Variants in RPF1 observed in about 807,000 individuals in gnomAD.
The protein encoded by RPF1 is ribosome production factor 1 homolog.
A neutral mutation model predicts 41.9 loss-of-function variants in RPF1; 34 were observed. That is an observed-to-expected ratio of 0.81 (90% confidence interval 0.62 to 1.08). RPF1 has a LOEUF of 1.08. RPF1 is among the 50% of genes least tolerant of loss of function. The pLI is 0.00. For missense variants in RPF1, 425 were observed against 435.2 expected (o/e 0.98, Z 0.21); for synonymous variants, 140 against 148.9 (o/e 0.94, Z 0.43).
At position 84,479,308 on chromosome 1, in the gene RPF1, C is replaced by T. The variant is rs753963915; in HGVS notation, c.27C>T (p.Ser9=). 1.2e-6 allele frequency: 2 copies of T among 1,608,100 alleles called. No homozygotes were observed. Among genetic ancestry groups the T allele is most frequent in the African/African-American group, 1.3e-5 (1 of 74,502 alleles). Reference sequence around the variant, plus strand: ...TGGCGAAAGCCGGGGATAAGAGCAGCAGCAGCGGGAAGAAAAGTCTAAAAC... The same window carrying T: ...TGGCGAAAGCCGGGGATAAGAGCAGTAGCAGCGGGAAGAAAAGTCTAAAAC... MAKAGDKS[S]SSGKKSLKRK... The change falls in exon 1 of 9, where the codon AGC becomes AGT. Residue 9 remains serine, a synonymous_variant. Transcript: ENST00000370654.
At chr1:84,482,773 G>T in intron 2 of RPF1, 142 bp from the exon 3 acceptor site, 1 of 516,954 alleles carries the variant, frequency 1.9e-6, no homozygotes, top group Non-Finnish European at 3.5e-6. Context: ...ATTGTTATTA[G>T]AATTGATGTA....
chr1:84,496,449 A>T, intron 8 of RPF1, 79 bp downstream of exon 8: 2 of 1,253,394 alleles, frequency 1.6e-6, no homozygotes, highest in Non-Finnish European at 1.1e-6. Flanking sequence ...GAGCATCAGG[A>T]ATAGCTAATG....
At chr1:84,488,582 T>C (rs1681774946) in intron 3 of RPF1, among the ~76,000 whole-genome samples, 1 of 152,124 alleles carries the variant, frequency 6.6e-6, no homozygotes, top group African/African-American at 2.4e-5. Context: ...ACTTCTAGCC[T>C]AATGTCAAAT....
chr1:84,493,605 GAA>G (rs1188487454), intron 5 of RPF1, among the ~76,000 whole-genome samples: 14 of 150,718 alleles, frequency 9.3e-5, no homozygotes. Flanking sequence ...AAAAACAAAA[GAA>G]AAAAATTCCC....
chr1:84,483,851 G>A (rs1172198638), intron 3 of RPF1, among the ~76,000 whole-genome samples: 1 of 152,090 alleles, frequency 6.6e-6, no homozygotes, highest in Non-Finnish European at 1.5e-5. Flanking sequence ...ATATCTCCTG[G>A]TATAGTCATA....
At position 84,481,026 on chromosome 1, in the gene RPF1, T is replaced by A; in HGVS notation, c.285+14T>A. The A allele has an allele frequency of 6.5e-7, 1 of 1,528,216 alleles. No homozygotes were observed. The highest frequency in any genetic ancestry group is 9.0e-7 in the Non-Finnish European group (1 of 1,113,166). 94.7% of individuals were successfully genotyped at this position (1,528,216 alleles called of 1,614,324 possible). On this transcript the variant is annotated intron_variant, in intron 2 of 8. Coordinates refer to ENST00000370654, the MANE Select transcript of RPF1 (RefSeq NM_025065.7). Reference sequence around the variant, plus strand: ...CTTGGCGATAAGGTAAATAAAATTTTTAGCTGTTTGCTTTCTATCTTATAT... The same window carrying A: ...CTTGGCGATAAGGTAAATAAAATTTATAGCTGTTTGCTTTCTATCTTATAT...
At chr1:84,483,321 C>T (rs1369335259) in intron 3 of RPF1, 5 of 242,916 alleles carry the variant, frequency 2.1e-5, no homozygotes, top group Non-Finnish European at 4.0e-5. Context: ...TGCTGGAGTG[C>T]AGTGGTGTGA....
intron 1 of RPF1, among the ~76,000 whole-genome samples, chr1:84,480,659 A>G (rs2101881232): frequency 6.6e-6 from 1 of 152,338 alleles, no homozygotes; most frequent in Admixed American, 6.5e-5. Flanking sequence ...ACATACTTTA[A>G]TTAATTTGAG....
At chr1:84,496,124 C>A (rs895300290) in intron 7 of RPF1, 61 bp downstream of exon 7, 1 of 1,480,060 alleles carries the variant, frequency 6.8e-7, no homozygotes, top group Non-Finnish European at 9.2e-7. Context: ...TCAACATGAA[C>A]TAATTTTCCA....
chr1:84,493,738 A>G (rs1357980090), intron 5 of RPF1, among the ~76,000 whole-genome samples: 2 of 152,264 alleles, frequency 1.3e-5, no homozygotes, highest in Admixed American at 6.5e-5. Context: ...CTACATAAAA[A>G]GGTGACATTT....
intron 4 of RPF1, 71 bp from the exon 5 acceptor site, chr1:84,490,248 G>T: frequency 2.0e-6 from 2 of 984,340 alleles, no homozygotes; most frequent in Admixed American, 2.9e-5. Context: ...CTTTCCTTAT[G>T]AATATGTACC....
chr1:84,495,271 G>A (rs1175198178), intron 5 of RPF1, 102 bp from the exon 6 acceptor site: 1 of 670,694 alleles, frequency 1.5e-6, no homozygotes, highest in Admixed American at 3.2e-5. Context: ...CTATTCACTT[G>A]GGTACAGATT....
intron 1 of RPF1, among the ~76,000 whole-genome samples, chr1:84,480,439 C>T (rs1254303258): frequency 6.6e-6 from 1 of 152,212 alleles, no homozygotes; most frequent in Non-Finnish European, 1.5e-5. Flanking sequence ...TACAGATAAT[C>T]TTAAGCCACC....
chr1:84,496,570 A>T (rs2101888459), intron 8 of RPF1, among the ~76,000 whole-genome samples, 200 bp downstream of exon 8: 1 of 150,108 alleles, frequency 6.7e-6, no homozygotes, highest in East Asian at 1.9e-4. Context: ...TTGAACTAAA[A>T]AAAAAAAAAA....
In RPF1 at chr1:84,496,231, T is replaced by C. The variant is rs1431072469; in HGVS notation, c.882-13T>C. ...GCTCATTCAGACTAATTTAACTCTTTTTGTCTTTGAAGATACATATTCAGG... is the reference window on the plus strand; with the variant it reads ...GCTCATTCAGACTAATTTAACTCTTCTTGTCTTTGAAGATACATATTCAGG... On this transcript the variant is annotated splice_polypyrimidine_tract_variant and intron_variant, in intron 7 of 8. Coordinates refer to ENST00000370654, the MANE Select transcript of RPF1 (RefSeq NM_025065.7). 2 of 1,607,128 alleles carry C rather than the reference T, an allele frequency of 1.2e-6. No homozygotes were observed. Among genetic ancestry groups the C allele is most frequent in the Admixed American group, 3.4e-5 (2 of 58,664 alleles).
chr1:84,480,945 T>TA lies in RPF1; in HGVS notation c.229-9dup, dbSNP rs755607476. On this transcript the variant is annotated splice_polypyrimidine_tract_variant and intron_variant, in intron 1 of 8. Transcript: ENST00000370654. Reference sequence around the variant, plus strand: ...TTCTCAGTATTGTTCTCTTTTTTTTTAACCCTTTAGGAAAAGTTGGCAGCT... The same window carrying TA: ...TTCTCAGTATTGTTCTCTTTTTTTTTAAACCCTTTAGGAAAAGTTGGCAGCT... 2.0e-6 allele frequency: 3 copies of TA among 1,473,476 alleles called. No homozygotes were observed. Among genetic ancestry groups the TA allele is most frequent in the Admixed American group, 1.7e-5 (1 of 57,768 alleles). 91.3% of individuals were successfully genotyped at this position (1,473,476 alleles called of 1,614,324 possible). A position where few individuals can be genotyped will look rare whatever the true frequency, so the allele number is the denominator to read the frequency against.
rs1003269145 is a variant in RPF1, at chr1:84,496,076, A to G, written c.881+13A>G. ...TCAGATTTCACAGGTGAGGAAGGTA[A>G]ACTCATTGAACTTTGATTTCAATTA... On this transcript the variant is annotated intron_variant, in intron 7 of 8. Coordinates refer to ENST00000370654, the MANE Select transcript of RPF1 (RefSeq NM_025065.7). 4 of 1,565,850 alleles carry G rather than the reference A, an allele frequency of 2.6e-6. No individual in the cohort carries two copies. Among genetic ancestry groups the G allele is most frequent in the Admixed American group, 1.9e-5 (1 of 51,886 alleles).
In RPF1 at chr1:84,482,902, C is replaced by G. The variant is rs1392203569; in HGVS notation, c.286-13C>G. The G allele has an allele frequency of 6.4e-7, 1 of 1,559,956 alleles. No homozygotes were observed. The highest frequency in any genetic ancestry group is 8.8e-7 in the Non-Finnish European group (1 of 1,135,078). Reference sequence around the variant, plus strand: ...AAATCCTTCTAAAATGTAATCCCTTCTCTTTTACTTAGGCTCCACCAAAGC... The same window carrying G: ...AAATCCTTCTAAAATGTAATCCCTTGTCTTTTACTTAGGCTCCACCAAAGC... On this transcript the variant is annotated splice_polypyrimidine_tract_variant and intron_variant, in intron 2 of 8. Transcript: ENST00000370654.
chr1:84,498,029 G>C lies in RPF1; in HGVS notation c.*559G>C, dbSNP rs1414703260. Among the ~76,000 whole-genome samples the C allele has an allele frequency of 6.6e-6, 1 of 152,132 alleles. No individual in the cohort carries two copies. Among genetic ancestry groups the C allele is most frequent in the African/African-American group, 2.4e-5 (1 of 41,436 alleles). ...TTTTGGTTTTTTGTGCCCACGTTGTGGGGAGCTCTTTTTTACCTCATTACA... is the reference window on the plus strand; with the variant it reads ...TTTTGGTTTTTTGTGCCCACGTTGTCGGGAGCTCTTTTTTACCTCATTACA... On this transcript the variant is annotated 3_prime_UTR_variant, in exon 9 of 9. Coordinates refer to ENST00000370654, the MANE Select transcript of RPF1 (RefSeq NM_025065.7).
Sources: allele counts gnomAD v4.1 joint callset (sites outside exome capture counted in the v4.1 genomes callset), GRCh38; gene constraint gnomAD v4.1.1; transcripts MANE v1.5; gene names NCBI Gene and HGNC (gene_info 2026-07-23, HGNC 2026-07-21).